ABCC4: variants seen among roughly 807,000 people sequenced by gnomAD.
The protein encoded by ABCC4 is ATP binding cassette subfamily C member 4 (PEL blood group).
A neutral mutation model predicts 168.5 loss-of-function variants in ABCC4; 102 were observed. That is an observed-to-expected ratio of 0.61 (90% CI 0.52 to 0.71). The LOEUF is 0.71. ABCC4 is among the 30% of genes least tolerant of loss of function. The pLI is 0.00. For synonymous variants in ABCC4, 617 were observed against 590.7 expected, an observed-to-expected ratio of 1.04 and a Z score of -0.65; for missense variants, 1,402 against 1,605.8, an observed-to-expected ratio of 0.87 and a Z score of 2.17.
intron 20 of ABCC4, among the ~76,000 whole-genome samples, chr13:95,099,607 A>T (rs2034727135): frequency 6.6e-6 from 1 of 152,164 alleles, no homozygotes; most frequent in Non-Finnish European, 1.5e-5. Flanking sequence ...ACGCTAAGAG[A>T]TGATCTCCTC....
intron 1 of ABCC4, among the ~76,000 whole-genome samples, chr13:95,251,887 G>A (rs1302769321): frequency 6.6e-6 from 1 of 152,122 alleles, no homozygotes; most frequent in Non-Finnish European, 1.5e-5. Flanking sequence ...AGATTAAATG[G>A]GAAATTCCAG....
At chr13:95,075,818 T>A (rs530154777) in intron 21 of ABCC4, 2 of 350,130 alleles carry the variant, frequency 5.7e-6, no homozygotes, top group East Asian at 1.0e-4. Context: ...TATAATTCTT[T>A]CCTTCCTAAC....
chr13:95,226,610 G>T (rs1382570912), intron 4 of ABCC4, among the ~76,000 whole-genome samples: 1 of 152,148 alleles, frequency 6.6e-6, no homozygotes, highest in Non-Finnish European at 1.5e-5. Flanking sequence ...ACTGAGATGT[G>T]AACTCAGGTC....
chr13:95,021,595 T>G lies in ABCC4; in HGVS notation c.3958A>C (p.Ile1320Leu), dbSNP rs1479740232. ...TSNGQPSTLT[I>L]FETAL is the part of the protein sequence containing the mutation. Reference sequence around the variant, plus strand: ...TGGATTCACAGTGCTGTCTCGAAAATAGTTAAGGTCGAGGGCTGTCCATTG... The same window carrying G: ...TGGATTCACAGTGCTGTCTCGAAAAGAGTTAAGGTCGAGGGCTGTCCATTG... The change falls in exon 31 of 31, where the codon ATT becomes CTT. Residue 1320 changes from isoleucine to leucine, a missense_variant. Coordinates refer to ENST00000645237, the MANE Select transcript of ABCC4 (RefSeq NM_005845.5). 9 of 1,611,094 alleles carry G rather than the reference T, an allele frequency of 5.6e-6. No homozygotes were observed. The highest frequency in any genetic ancestry group is 7.6e-6 in the Non-Finnish European group (9 of 1,177,648).
intron 1 of ABCC4, among the ~76,000 whole-genome samples, chr13:95,274,177 C>T (rs7336051): frequency 0.077 from 11,744 of 152,224 alleles, 978 homozygotes; most frequent in African/African-American, 0.21. Context: ...AGCAACTTTC[C>T]CCTTCAGCCA....
chr13:95,174,254 TAAC>T (rs529903730), intron 13 of ABCC4, among the ~76,000 whole-genome samples: 63 of 152,330 alleles, frequency 4.1e-4, no homozygotes, highest in African/African-American at 1.5e-3. Flanking sequence ...ACACAACTCT[TAAC>T]AACTCTCGAT....
intron 30 of ABCC4, among the ~76,000 whole-genome samples, chr13:95,025,210 C>A (rs1593956222): frequency 1.6e-4 from 7 of 44,724 alleles, no homozygotes; most frequent in Non-Finnish European, 4.1e-5. Flanking sequence ...ACCCCCACAC[C>A]CCCCACACAC....
In ABCC4 at chr13:95,180,421, T is replaced by C. The variant is rs148468019; in HGVS notation, c.1546-2330A>G. ...ATACAAAATTAGCCAGGCATGGGGG[T>C]GCATGCCTGTAATCCCAGCTACTTG... is the stretch of plus-strand genomic sequence containing the variant. On this transcript the variant is annotated intron_variant, in intron 11 of 30. Coordinates refer to ENST00000645237, the MANE Select transcript of ABCC4 (RefSeq NM_005845.5). Among the ~76,000 whole-genome samples the C allele has an allele frequency of 9.8e-4, 148 of 151,692 alleles. 1 individual carries two copies. Among genetic ancestry groups the C allele is most frequent in the Middle Eastern group, 6.8e-3 (2 of 294 alleles).
intron 30 of ABCC4, 31 bp downstream of exon 30, chr13:95,034,574 C>T: frequency 6.2e-7 from 1 of 1,605,246 alleles, no homozygotes; most frequent in Non-Finnish European, 8.5e-7. Flanking sequence ...CTGAGACAAA[C>T]TTTAATTACA....
chr13:95,299,086 C>G (rs979254388), intron 1 of ABCC4, among the ~76,000 whole-genome samples: 1 of 151,586 alleles, frequency 6.6e-6, no homozygotes, highest in Admixed American at 6.6e-5. Context: ...AGAGCCCTAT[C>G]TCTACAAAAA....
chr13:95,076,211 C>A (rs1200620039), intron 21 of ABCC4, among the ~76,000 whole-genome samples: 3 of 152,172 alleles, frequency 2.0e-5, no homozygotes, highest in Non-Finnish European at 4.4e-5. Flanking sequence ...GCCCAAGGAA[C>A]CTGCCCAGCC....
intron 25 of ABCC4, among the ~76,000 whole-genome samples, chr13:95,066,442 T>C (rs1194254062): frequency 6.6e-6 from 1 of 152,228 alleles, no homozygotes; most frequent in Non-Finnish European, 1.5e-5. Context: ...ATATTGGAAT[T>C]AGCTTTGTAT....
At chr13:95,097,165 GCAA>G (rs1451658105) in intron 20 of ABCC4, among the ~76,000 whole-genome samples, 4 of 151,872 alleles carry the variant, frequency 2.6e-5, no homozygotes, top group African/African-American at 9.7e-5. Flanking sequence ...AAACTCTAGA[GCAA>G]CCACTAAAAA....
chr13:95,292,782 A>C (rs1189843711), intron 1 of ABCC4, among the ~76,000 whole-genome samples: 1 of 152,204 alleles, frequency 6.6e-6, no homozygotes, highest in Non-Finnish European at 1.5e-5. Context: ...GAGCTAGCGC[A>C]GAGAAAAGAG....
chr13:95,052,395 T>C (rs1356752465), intron 27 of ABCC4, among the ~76,000 whole-genome samples: 2 of 152,202 alleles, frequency 1.3e-5, no homozygotes, highest in African/African-American at 4.8e-5. Context: ...AGAACTAGAC[T>C]GAACACAGAA....
chr13:95,168,750 G>A (rs774960221), intron 14 of ABCC4, among the ~76,000 whole-genome samples: 5 of 152,138 alleles, frequency 3.3e-5, no homozygotes, highest in Non-Finnish European at 5.9e-5. Context: ...AAGCCAAGGA[G>A]TGCTGCATGA....
At chr13:95,152,444 G>A (rs1002868051) in intron 19 of ABCC4, among the ~76,000 whole-genome samples, 2 of 152,052 alleles carry the variant, frequency 1.3e-5, no homozygotes, top group African/African-American at 2.4e-5. Flanking sequence ...CCAATCCTGG[G>A]CTCAGGGGAT....
intron 13 of ABCC4, among the ~76,000 whole-genome samples, chr13:95,177,298 G>A (rs903927050): frequency 5.9e-5 from 9 of 152,166 alleles, no homozygotes; most frequent in East Asian, 1.9e-4. Context: ...AAATGATGGA[G>A]GAAAAGAGCT....
chr13:95,157,679 T>C (rs1423951948), intron 19 of ABCC4, among the ~76,000 whole-genome samples: 1 of 152,168 alleles, frequency 6.6e-6, no homozygotes, highest in Non-Finnish European at 1.5e-5. Context: ...AGGTATTGTA[T>C]TATATAAACA....
Sources: allele counts gnomAD v4.1 joint callset (sites outside exome capture counted in the v4.1 genomes callset), GRCh38; gene constraint gnomAD v4.1.1; transcripts MANE v1.5; gene names NCBI Gene and HGNC (gene_info 2026-07-23, HGNC 2026-07-21).